The following MANBA variants were observed in gnomAD, a reference collection of about 807,000 sequenced individuals.
MANBA encodes the protein beta-mannosidase.
A neutral mutation model predicts 111.1 loss-of-function variants in MANBA; 83 were observed. The observed-to-expected ratio is 0.75, with a 90% CI of 0.63 to 0.90. The LOEUF (loss-of-function observed/expected upper bound fraction) is 0.90, where lower values mean the gene tolerates loss of function less well. Ranked by LOEUF, MANBA falls within the 40% of genes least tolerant of loss-of-function variation. MANBA has a pLI of 0.00. For missense variants in MANBA, 1,036 were observed against 1,069.0 expected, an observed-to-expected ratio of 0.97 and a Z score of 0.43; for synonymous variants, 370 against 378.7, an observed-to-expected ratio of 0.98 and a Z score of 0.27.
intron 1 of MANBA, among the ~76,000 whole-genome samples, chr4:102,758,649 C>G (rs1724116083): frequency 6.6e-6 from 1 of 150,992 alleles, no homozygotes; most frequent in Non-Finnish European, 1.5e-5. Flanking sequence ...CTCAAACGAT[C>G]CTCCCACCTC....
At chr4:102,633,483 G>C (rs1054738078) in intron 16 of MANBA, 1 of 398,496 alleles carries the variant, frequency 2.5e-6, no homozygotes, top group Non-Finnish European at 4.4e-6. Flanking sequence ...CCTGGCTTCA[G>C]GGAGACAGGG....
intron 1 of MANBA, among the ~76,000 whole-genome samples, chr4:102,746,091 G>A (rs1009524987): frequency 3.3e-5 from 5 of 152,190 alleles, no homozygotes; most frequent in Non-Finnish European, 7.3e-5. Flanking sequence ...GCTGATGGCA[G>A]CATGTGTTGG....
At chr4:102,734,494 A>G (rs115462737) in intron 1 of MANBA, 1 of 1,606,152 alleles carries the variant, frequency 6.2e-7, no homozygotes, top group African/African-American at 1.3e-5. Context: ...CCCATTCCCA[A>G]GTTCCACGAG....
rs949862542 is a variant in MANBA at position 102,657,426 on chromosome 4, G to A, written c.1704+256C>T. 1.2e-4 allele frequency among the ~76,000 whole-genome samples: 18 copies of A among 152,170 alleles called. No homozygotes were observed. The South Asian group carries it at 1.9e-3, about 16-fold the overall frequency. Reference sequence around the variant, plus strand: ...ATTGTAGCAAGTAAGAGTTATTTCCGTGTGTGATAATAAGTCAGGCTTAAG... The same window carrying A: ...ATTGTAGCAAGTAAGAGTTATTTCCATGTGTGATAATAAGTCAGGCTTAAG... On this transcript the variant is annotated intron_variant, in intron 12 of 16. Coordinates refer to ENST00000647097, the MANE Select transcript of MANBA (RefSeq NM_005908.4).
chr4:102,671,285 A>G lies in MANBA; in HGVS notation c.1226T>C (p.Ile409Thr), dbSNP rs571561144. 1.4e-5 allele frequency: 22 copies of G among 1,544,250 alleles called. No homozygotes were observed. In the African/African-American group the frequency reaches 2.9e-4, roughly 20 times the overall value. ...AAAATGCTATCAACTTCTCACCATTATTCCTAGTTCATCACAGAGTTCATA... is the reference window on the plus strand; with the variant it reads ...AAAATGCTATCAACTTCTCACCATTGTTCCTAGTTCATCACAGAGTTCATA... The part of the protein sequence containing the change: ...EFYELCDELG[I>T]MVWQDFMFAC... Residue 409 changes from isoleucine (I) to threonine (T), a missense_variant, in exon 9 of 17, where the codon ATA becomes ACA. Ile to Thr is a moderately conservative substitution (Grantham distance 89). Transcript: ENST00000647097.
chr4:102,675,146 A>G (rs528456501), intron 7 of MANBA, among the ~76,000 whole-genome samples: 11 of 152,218 alleles, frequency 7.2e-5, no homozygotes, highest in South Asian at 2.1e-4. Context: ...GTGGGTTCCA[A>G]TATCTAGAAC....
At chr4:102,727,025 C>T (rs1310829978) in intron 1 of MANBA, among the ~76,000 whole-genome samples, 2 of 152,224 alleles carry the variant, frequency 1.3e-5, no homozygotes, top group African/African-American at 4.8e-5. Context: ...GATCCACCTA[C>T]CTCAGCCTCC....
At chr4:102,654,435 T>C (rs1261463274) in intron 12 of MANBA, among the ~76,000 whole-genome samples, 1 of 152,174 alleles carries the variant, frequency 6.6e-6, no homozygotes, top group Non-Finnish European at 1.5e-5. Context: ...AGAGCTAAGG[T>C]TATGACATCA....
At chr4:102,743,943 A>G (rs1723501037) in intron 1 of MANBA, among the ~76,000 whole-genome samples, 1 of 152,128 alleles carries the variant, frequency 6.6e-6, no homozygotes, top group Non-Finnish European at 1.5e-5. Flanking sequence ...TCCAAACACC[A>G]TCTCTATCTG....
In MANBA at chr4:102,730,415, A is replaced by C. The variant is rs149851507; in HGVS notation, c.178-3732T>G. ...GGCAACCTTGCTGTGGCACCTAGAT[A>C]AGGGTTCAGGAATGCAGCTGCAGAG... On this transcript the variant is annotated intron_variant, in intron 1 of 16. Coordinates refer to ENST00000647097, the MANE Select transcript of MANBA (RefSeq NM_005908.4). The C allele has an allele frequency of 1.7e-3, 804 of 469,288 alleles. 1 individual carries two copies. The highest frequency in any genetic ancestry group is 2.3e-3 in the Non-Finnish European group (591 of 252,688). The allele number at this position is 469,288 out of a possible 1,614,324, so 29.1% of individuals were successfully genotyped here. A position where few individuals can be genotyped will look rare whatever the true frequency, so the allele number is the denominator to read the frequency against.
intron 5 of MANBA, among the ~76,000 whole-genome samples, chr4:102,713,637 T>C (rs916252051): frequency 6.6e-6 from 1 of 152,102 alleles, no homozygotes; most frequent in African/African-American, 2.4e-5. Context: ...CGCAGTGGCT[T>C]ACGCCTGTAA....
At position 102,652,098 on chromosome 4, in the gene MANBA, G is replaced by A. The variant is rs144457533; in HGVS notation, c.1705-1397C>T. On this transcript the variant is annotated intron_variant, in intron 12 of 16. Transcript: ENST00000647097. The stretch of plus-strand genomic sequence containing the variant: ...CAAACATTTATCATTTCTTTGTGTC[G>A]GGAACACTCAAAATTATCTCTTCTA... 4.4e-4 allele frequency among the ~76,000 whole-genome samples: 67 copies of A among 151,996 alleles called. No individual in the cohort carries two copies. The East Asian group carries it at 0.011, about 25-fold the overall frequency.
intron 7 of MANBA, among the ~76,000 whole-genome samples, chr4:102,686,960 T>C (rs1732244525): frequency 6.6e-6 from 1 of 152,152 alleles, no homozygotes; most frequent in Non-Finnish European, 1.5e-5. Flanking sequence ...GAAACACCTA[T>C]CAAATATTAT....
chr4:102,720,708 C>G lies in MANBA; in HGVS notation c.549+2163G>C, dbSNP rs1437679983. Among the ~76,000 whole-genome samples, 6 of 152,202 alleles carry G rather than the reference C, an allele frequency of 3.9e-5. No individual in the cohort carries two copies. In the Middle Eastern group the frequency reaches 0.01, roughly 262 times the overall value. ...AAAAGAATCAAAAGATAAATCTTAT[C>G]CAGACTTATAAGCAGACAAATATTC... On this transcript the variant is annotated intron_variant, in intron 4 of 16. Coordinates refer to ENST00000647097, the MANE Select transcript of MANBA (RefSeq NM_005908.4).
At chr4:102,760,109 C>A in intron 1 of MANBA, among the ~76,000 whole-genome samples, 1 of 151,848 alleles carries the variant, frequency 6.6e-6, no homozygotes, top group Non-Finnish European at 1.5e-5. Context: ...CACACACACA[C>A]ACGCCCTGAG....
At chr4:102,675,401 T>G (rs1162852484) in intron 7 of MANBA, among the ~76,000 whole-genome samples, 1 of 152,204 alleles carries the variant, frequency 6.6e-6, no homozygotes, top group African/African-American at 2.4e-5. Flanking sequence ...GTTTATGGTA[T>G]GAAGCAGTGC....
rs1395398283 is a variant in MANBA at position 102,635,010 on chromosome 4, C to T, written c.2193G>A (p.Val731=). The T allele has an allele frequency of 3.7e-5, 59 of 1,614,076 alleles. No individual in the cohort carries two copies. Among genetic ancestry groups the T allele is most frequent in the Non-Finnish European group, 4.8e-5 (57 of 1,180,020 alleles). Residue 731 remains valine, a synonymous_variant, in exon 16 of 17, where the codon GTG becomes GTA. Coordinates refer to ENST00000647097, the MANE Select transcript of MANBA (RefSeq NM_005908.4). ...RVHTWSSLEP[V]CSRVTERFVM... ...CAAAACGTTCAGTCACACGAGAGCA[C>T]ACGGGCTCCAGGGAGCTCCATGTAT... is the stretch of plus-strand genomic sequence containing the variant.
chr4:102,678,599 T>C (rs2110230981), intron 7 of MANBA, among the ~76,000 whole-genome samples: 1 of 152,070 alleles, frequency 6.6e-6, no homozygotes, highest in Non-Finnish European at 1.5e-5. Flanking sequence ...AATGTGTAAG[T>C]CGGGCAGTTA....
At chr4:102,752,750 A>C (rs13113605) in intron 1 of MANBA, 15,633 of 372,886 alleles carry the variant, frequency 0.042, 435 homozygotes, top group Non-Finnish European at 0.058. Flanking sequence ...AAATTTATAT[A>C]ATGTTTTCAC....
Sources: gnomAD v4.1 joint callset for allele counts (sites outside exome capture counted in the v4.1 genomes callset) on GRCh38, gnomAD v4.1.1 for gene constraint, MANE v1.5 for transcripts, NCBI Gene and HGNC (gene_info 2026-07-23, HGNC 2026-07-21) for gene names.